The following KIAA1958 variants were observed in gnomAD, a reference collection of about 807,000 sequenced individuals.
KIAA1958 encodes KIAA1958.
Under a neutral mutation model 47.2 loss-of-function variants are expected in KIAA1958, and 14 were observed. The observed-to-expected ratio is 0.30, with a 90% CI of 0.20 to 0.46. The LOEUF is 0.46. Among genes scored for constraint, KIAA1958 ranks in the 20% least tolerant of loss-of-function variants. The pLI is 1.00. For missense variants in KIAA1958, 803 were observed against 909.2 expected (o/e 0.88, Z 1.50); for synonymous variants, 354 against 353.3 (o/e 1.00, Z -0.02).
rs1835625464 is a variant in KIAA1958, at chr9:112,575,223, C to T, written c.1143C>T (p.Thr381=). 2 of 1,569,466 alleles carry T rather than the reference C, an allele frequency of 1.3e-6. No individual in the cohort carries two copies. Among genetic ancestry groups the T allele is most frequent in the East Asian group, 2.2e-5 (1 of 44,776 alleles). Residue 381 remains threonine (T), a synonymous_variant, in exon 2 of 4, where the codon ACC becomes ACT. Coordinates refer to ENST00000337530, the MANE Select transcript of KIAA1958 (RefSeq NM_133465.4). The part of the protein sequence containing the change: ...QQQPPVAPAI[T]TEATAQCIPA... ...AGCCCCCAGTCGCTCCAGCCATAAC[C>T]ACTGAGGCCACAGCACAGTGCATAC...
At chr9:112,604,872 CAG>C (rs901298258) in intron 2 of KIAA1958, among the ~76,000 whole-genome samples, 39 of 149,038 alleles carry the variant, frequency 2.6e-4, no homozygotes, top group African/African-American at 9.0e-4. Context: ...ATTGACTTAA[CAG>C]GGCGTGGACA....
At chr9:112,549,518 A>G (rs2132836177) in intron 1 of KIAA1958, among the ~76,000 whole-genome samples, 1 of 152,330 alleles carries the variant, frequency 6.6e-6, no homozygotes, top group East Asian at 1.9e-4. Context: ...GTTAGTCCAC[A>G]AGTATTTATT....
At chr9:112,606,654 T>C (rs1292501553) in intron 2 of KIAA1958, among the ~76,000 whole-genome samples, 1 of 152,216 alleles carries the variant, frequency 6.6e-6, no homozygotes, top group African/African-American at 2.4e-5. Flanking sequence ...ACAACAGCTA[T>C]TTAGAGTTCA....
intron 1 of KIAA1958, among the ~76,000 whole-genome samples, chr9:112,545,479 A>T (rs2132829303): frequency 6.6e-6 from 1 of 152,354 alleles, no homozygotes; most frequent in African/African-American, 2.4e-5. Flanking sequence ...TTTTCTTGTT[A>T]TATGCCATTC....
intron 1 of KIAA1958, among the ~76,000 whole-genome samples, chr9:112,561,312 C>T (rs1033427010): frequency 6.6e-6 from 1 of 152,086 alleles, no homozygotes; most frequent in African/African-American, 2.4e-5. Flanking sequence ...CCTCGGCCTC[C>T]CAAAGTGCTG....
intron 1 of KIAA1958, among the ~76,000 whole-genome samples, chr9:112,533,916 T>C (rs771734404): frequency 3.9e-5 from 6 of 152,140 alleles, no homozygotes; most frequent in African/African-American, 7.2e-5. Context: ...CCAAACCATA[T>C]CAATGGATGA....
At position 112,666,170 on chromosome 9, in the gene KIAA1958, T is replaced by A. The variant is rs1837349132; in HGVS notation, c.*6101T>A. The A allele has an allele frequency of 6.6e-6, 1 of 152,006 alleles. No individual in the cohort carries two copies. Among genetic ancestry groups the A allele is most frequent in the Non-Finnish European group, 1.5e-5 (1 of 68,004 alleles). 9.4% of individuals were successfully genotyped at this position (152,006 alleles called of 1,614,324 possible). On this transcript the variant is annotated 3_prime_UTR_variant, in exon 4 of 4. Coordinates refer to ENST00000337530, the MANE Select transcript of KIAA1958 (RefSeq NM_133465.4). The stretch of plus-strand genomic sequence containing the variant: ...TATTTTTAGTGGAGATGGGGTTTCA[T>A]CATGTTGGCCAGGCTGGTCTCGAAC...
chr9:112,661,789 T>C lies in KIAA1958; in HGVS notation c.*1720T>C, dbSNP rs1837282183. The C allele has an allele frequency of 1.3e-5, 2 of 152,214 alleles. No individual in the cohort carries two copies. The highest frequency in any genetic ancestry group is 4.8e-5 in the African/African-American group (2 of 41,452). 9.4% of individuals were successfully genotyped at this position (152,214 alleles called of 1,614,324 possible). A position where few individuals can be genotyped will look rare whatever the true frequency, so the allele number is the denominator to read the frequency against. ...ATAACAGGTAATATTTAATCATCAG[T>C]GTATGACTTGATATCACATAACGTT... is the stretch of plus-strand genomic sequence containing the variant. On this transcript the variant is annotated 3_prime_UTR_variant, in exon 4 of 4. Coordinates refer to ENST00000337530, the MANE Select transcript of KIAA1958 (RefSeq NM_133465.4).
chr9:112,551,102 T>A (rs1277917580), intron 1 of KIAA1958, among the ~76,000 whole-genome samples: 2 of 151,920 alleles, frequency 1.3e-5, no homozygotes, highest in African/African-American at 4.8e-5. Flanking sequence ...TATGAGTTTT[T>A]AAAAATTGTG....
chr9:112,561,701 A>G (rs1835334961), intron 1 of KIAA1958, among the ~76,000 whole-genome samples: 1 of 152,152 alleles, frequency 6.6e-6, no homozygotes, highest in Admixed American at 6.5e-5. Context: ...CTAAAAATAC[A>G]AAAATTAGCC....
rs553762696 is a variant in KIAA1958, at chr9:112,645,756, C to T, written c.1278C>T (p.Tyr426=). Residue 426 remains tyrosine (Y), a synonymous_variant, in exon 3 of 4, where the codon TAC becomes TAT. Coordinates refer to ENST00000337530, the MANE Select transcript of KIAA1958 (RefSeq NM_133465.4). ...CAAATACTACCAAAGCCACGCGGTA[C>T]GCCTTGAATGTGTGGCGTTATTGGT... is the stretch of plus-strand genomic sequence containing the variant. ...VSPNTTKATR[Y]ALNVWRYWCM... is the part of the protein sequence containing the mutation. 7.2e-5 allele frequency: 116 copies of T among 1,614,070 alleles called. No homozygotes were observed. In the East Asian group the frequency reaches 7.6e-4, roughly 11 times the overall value.
intron 2 of KIAA1958, among the ~76,000 whole-genome samples, chr9:112,642,679 G>A (rs1836911989): frequency 6.6e-6 from 1 of 152,162 alleles, no homozygotes; most frequent in African/African-American, 2.4e-5. Context: ...TCTTCGTTTA[G>A]TAGTTCCCGC....
chr9:112,574,712 A>G lies in KIAA1958; in HGVS notation c.632A>G (p.Tyr211Cys), dbSNP rs1361759490. 1 of 1,614,202 alleles carries G rather than the reference A, an allele frequency of 6.2e-7. No homozygotes were observed. The highest frequency in any genetic ancestry group is 8.5e-7 in the Non-Finnish European group (1 of 1,180,030). ...ATCAAACAAGAAATCCCCGAAGATT[A>G]TTACATTGTGGCAAATGCAGAACTG... ...KKIKQEIPED[Y>C]YIVANAELTG... Residue 211 changes from tyrosine (Y) to cysteine (C), a missense_variant, in exon 2 of 4, where the codon TAT (tyrosine) becomes TGT (cysteine). By Grantham distance (194) the Tyr-to-Cys change is radical. This residue lies in a region of KIAA1958 where 761 missense variants were observed against 829.3 expected (regional missense o/e 0.92). Coordinates refer to ENST00000337530, the MANE Select transcript of KIAA1958 (RefSeq NM_133465.4).
chr9:112,552,746 T>C (rs928025260), intron 1 of KIAA1958, among the ~76,000 whole-genome samples: 1 of 152,216 alleles, frequency 6.6e-6, no homozygotes, highest in South Asian at 2.1e-4. Context: ...GAACATTGGC[T>C]ACAGCTCAGG....
intron 1 of KIAA1958, among the ~76,000 whole-genome samples, chr9:112,555,680 C>T (rs1015961558): frequency 2.6e-5 from 4 of 152,186 alleles, no homozygotes; most frequent in African/African-American, 7.2e-5. Flanking sequence ...GCTGTGCGCT[C>T]GAATAGCAGA....
At chr9:112,635,214 T>TTG (rs71999105) in intron 2 of KIAA1958, among the ~76,000 whole-genome samples, 4,096 of 130,324 alleles carry the variant, frequency 0.031, 109 homozygotes, top group East Asian at 0.094. Context: ...ATTCTTTATT[T>TTG]TGTGTGTGTG....
chr9:112,634,208 T>C (rs1836759768), intron 2 of KIAA1958, among the ~76,000 whole-genome samples: 1 of 152,184 alleles, frequency 6.6e-6, no homozygotes, highest in South Asian at 2.1e-4. Context: ...AATATTAATA[T>C]TTCTATGCAA....
intron 1 of KIAA1958, among the ~76,000 whole-genome samples, chr9:112,551,407 T>C (rs1407520415): frequency 6.6e-6 from 1 of 152,238 alleles, no homozygotes; most frequent in East Asian, 1.9e-4. Context: ...CTTAGTATAA[T>C]GTCTTTTAAG....
At chr9:112,615,561 C>T (rs1836395708) in intron 2 of KIAA1958, among the ~76,000 whole-genome samples, 1 of 152,106 alleles carries the variant, frequency 6.6e-6, no homozygotes, top group African/African-American at 2.4e-5. Context: ...GCTACTTTAT[C>T]TTGAGCTTTT....
Sources: allele counts gnomAD v4.1 joint callset (sites outside exome capture counted in the v4.1 genomes callset), GRCh38; gene constraint gnomAD v4.1.1; regional missense constraint gnomAD v4.1.1; transcripts MANE v1.5; gene names NCBI Gene and HGNC (gene_info 2026-07-23, HGNC 2026-07-21).